ADAM12: variants seen among roughly 807,000 people sequenced by gnomAD.
The protein encoded by ADAM12 is ADAM metallopeptidase domain 12.
ADAM12 carries 70 observed loss-of-function variants against 106.4 expected under a neutral mutation model. The observed-to-expected ratio is 0.66, with a 90% CI of 0.54 to 0.80. The LOEUF (loss-of-function observed/expected upper bound fraction) is 0.80, where lower values mean the gene tolerates loss of function less well. ADAM12 is among the 30% of genes least tolerant of loss of function. ADAM12 has a pLI of 0.00. For synonymous variants in ADAM12, 420 were observed against 433.5 expected (o/e 0.97, Z 0.39); for missense variants, 1,010 against 1,171.9 (o/e 0.86, Z 2.02).
chr10:126,154,101 G>A (rs1565099023), intron 4 of ADAM12, among the ~76,000 whole-genome samples: 3 of 152,210 alleles, frequency 2.0e-5, no homozygotes, highest in East Asian at 1.9e-4. Context: ...AGTTGCAGGC[G>A]GTTACTTCTC....
chr10:126,247,761 CT>C (rs1228729751), intron 3 of ADAM12, among the ~76,000 whole-genome samples: 1 of 152,172 alleles, frequency 6.6e-6, no homozygotes, highest in East Asian at 1.9e-4. Flanking sequence ...AAAAATACCT[CT>C]CAAATCAGCA....
chr10:126,067,546 G>A (rs1449328058), intron 12 of ADAM12, among the ~76,000 whole-genome samples: 3 of 152,224 alleles, frequency 2.0e-5, no homozygotes, highest in East Asian at 1.9e-4. Flanking sequence ...TGCTCCACAC[G>A]TACCCATTGC....
At chr10:126,317,291 C>T (rs1409716650) in intron 2 of ADAM12, among the ~76,000 whole-genome samples, 1 of 152,168 alleles carries the variant, frequency 6.6e-6, no homozygotes, top group African/African-American at 2.4e-5. Flanking sequence ...TTAATAGAGA[C>T]CCAATCCACA....
chr10:126,258,518 T>C (rs909493239), intron 3 of ADAM12, among the ~76,000 whole-genome samples: 1 of 152,166 alleles, frequency 6.6e-6, no homozygotes, highest in Non-Finnish European at 1.5e-5. Flanking sequence ...TTTCAATCCA[T>C]CCATGCCCTA....
rs987623160 is a variant in ADAM12 at position 126,053,422 on chromosome 10, A to G, written c.1610-3753T>C. 1.3e-5 allele frequency among the ~76,000 whole-genome samples: 2 copies of G among 152,248 alleles called. No homozygotes were observed. The highest frequency in any genetic ancestry group is 4.2e-4 in the South Asian group (2 of 4,816). On this transcript the variant is annotated intron_variant, in intron 14 of 22. Transcript: ENST00000448723. The surrounding 1 kb of genome is among the most constrained non-coding windows in gnomAD (Gnocchi z 4.6). The stretch of plus-strand genomic sequence containing the variant: ...GTAAGATGCAATGCCTTGTTTACCA[A>G]TAACGCAGAAGCATGGTACACGCCC...
In ADAM12 at chr10:126,045,636, T is replaced by C. The variant is rs113117876; in HGVS notation, c.1995+419A>G. Among the ~76,000 whole-genome samples the C allele has an allele frequency of 1.1e-4, 17 of 152,352 alleles. 1 individual carries two copies. The highest frequency in any genetic ancestry group is 4.1e-4 in the African/African-American group (17 of 41,574). On this transcript the variant is annotated intron_variant, in intron 17 of 22. Transcript: ENST00000448723. ...TTTAGTTGAAACCCATTGTGTGTGA[T>C]TTCAAGAACATGTGTTTAATATGAT... is the stretch of plus-strand genomic sequence containing the variant.
chr10:126,361,207 C>A (rs1855731973), intron 1 of ADAM12, among the ~76,000 whole-genome samples: 1 of 151,788 alleles, frequency 6.6e-6, no homozygotes. Flanking sequence ...AAAAATTAAA[C>A]AAAATATTAG....
chr10:126,375,697 T>TAAA (rs34602029), intron 1 of ADAM12, among the ~76,000 whole-genome samples: 2,322 of 138,578 alleles, frequency 0.017, 29 homozygotes, highest in African/African-American at 0.036. Context: ...TCATTAAAGT[T>TAAA]AAAAAAAAAA....
In ADAM12 at chr10:126,243,936, C is replaced by T. The variant is rs544894486; in HGVS notation, c.260+34979G>A. On this transcript the variant is annotated intron_variant, in intron 3 of 22. Coordinates refer to ENST00000448723, the MANE Select transcript of ADAM12 (RefSeq NM_001288973.2). ...TTAACAATTCTAGAATAAATCAGTT[C>T]GGAAAAGATTTGCATCTCTATCAAA... 7.2e-5 allele frequency among the ~76,000 whole-genome samples: 11 copies of T among 152,264 alleles called. No individual in the cohort carries two copies. The East Asian group carries it at 1.5e-3, about 21-fold the overall frequency.
intron 4 of ADAM12, among the ~76,000 whole-genome samples, chr10:126,144,368 AT>A (rs1361991505): frequency 2.6e-5 from 4 of 152,202 alleles, no homozygotes; most frequent in Non-Finnish European, 5.9e-5. Context: ...AATGTAAGGC[AT>A]TGTTACAAAT....
At chr10:126,052,180 T>C (rs1457318118) in intron 14 of ADAM12, among the ~76,000 whole-genome samples, 1 of 152,170 alleles carries the variant, frequency 6.6e-6, no homozygotes, top group Non-Finnish European at 1.5e-5. Flanking sequence ...AGAGAGCAGA[T>C]TAAGACCTGG....
At chr10:126,133,462 C>G (rs1956344980) in intron 5 of ADAM12, among the ~76,000 whole-genome samples, 1 of 152,204 alleles carries the variant, frequency 6.6e-6, no homozygotes, top group African/African-American at 2.4e-5. Flanking sequence ...TCGACTCTCA[C>G]AAAAGTTGCC....
chr10:126,170,381 C>CACAATTCAT (rs1957097825), intron 3 of ADAM12, among the ~76,000 whole-genome samples: 12 of 151,306 alleles, frequency 7.9e-5, no homozygotes, highest in African/African-American at 2.4e-5. Context: ...CTTGCTGAGG[C>CACAATTCAT]TACCATGAAA....
chr10:126,322,322 G>C (rs1854128833), intron 2 of ADAM12, among the ~76,000 whole-genome samples: 2 of 152,176 alleles, frequency 1.3e-5, no homozygotes, highest in African/African-American at 4.8e-5. Flanking sequence ...CCCCAGTCTG[G>C]CTCCGTCCAA....
intron 4 of ADAM12, among the ~76,000 whole-genome samples, chr10:126,152,206 A>G (rs1174086177): frequency 2.6e-5 from 4 of 152,062 alleles, no homozygotes; most frequent in South Asian, 2.1e-4. Context: ...AAATGCTGTC[A>G]GTATTGAAAG....
At chr10:126,056,322 T>C (rs552282253) in intron 14 of ADAM12, among the ~76,000 whole-genome samples, 1 of 152,250 alleles carries the variant, frequency 6.6e-6, no homozygotes, top group South Asian at 2.1e-4. Flanking sequence ...AAAAGGGGCA[T>C]TTGCAGGAGA....
intron 2 of ADAM12, among the ~76,000 whole-genome samples, chr10:126,312,113 G>GA (rs1283733933): frequency 3.5e-5 from 5 of 143,396 alleles, no homozygotes; most frequent in African/African-American, 1.3e-4. Flanking sequence ...GTCCAAAGTT[G>GA]GAGAATTGGT....
chr10:126,208,168 A>G (rs1021250210), intron 3 of ADAM12, among the ~76,000 whole-genome samples: 9 of 152,070 alleles, frequency 5.9e-5, no homozygotes, highest in Admixed American at 2.0e-4. Context: ...GCCACCATAA[A>G]AGGTTCTTAA....
chr10:126,082,605 G>A (rs751860574), intron 11 of ADAM12, among the ~76,000 whole-genome samples: 6 of 151,692 alleles, frequency 4.0e-5, no homozygotes, highest in African/African-American at 1.2e-4. Flanking sequence ...TCCTGACCTC[G>A]GGTGATCCAC....
Sources: gnomAD v4.1 joint callset for allele counts (sites outside exome capture counted in the v4.1 genomes callset) on GRCh38, gnomAD v4.1.1 for gene constraint, Gnocchi (gnomAD v3.1) non-coding constraint, MANE v1.5 for transcripts, NCBI Gene and HGNC (gene_info 2026-07-23, HGNC 2026-07-21) for gene names.